Variants in PRELID2 observed in about 807,000 individuals in gnomAD.
The protein encoded by PRELID2 is PRELI domain containing 2.
A neutral mutation model predicts 28.4 loss-of-function variants in PRELID2; 25 were observed. The ratio of observed to expected loss-of-function variants is 0.88; its 90% CI spans 0.64 to 1.23. The LOEUF is 1.23. PRELID2 is among the 50% of genes most tolerant of loss of function. The probability of loss-of-function intolerance (pLI) is 0.00; values close to 1 mark genes in which losing one functional copy is unlikely to be tolerated. For synonymous variants in PRELID2, 76 were observed against 71.6 expected (o/e 1.06, Z -0.31); for missense variants, 201 against 214.4 (o/e 0.94, Z 0.39).
At chr5:145,797,175 G>A (rs1198351629) in intron 4 of PRELID2, among the ~76,000 whole-genome samples, 2 of 152,110 alleles carry the variant, frequency 1.3e-5, no homozygotes, top group Admixed American at 6.6e-5. Flanking sequence ...ACACTTAAGA[G>A]TGATAGAAGT....
intron 1 of PRELID2, among the ~76,000 whole-genome samples, chr5:145,623,092 A>T (rs1339760222): frequency 6.6e-6 from 1 of 152,054 alleles, no homozygotes; most frequent in Non-Finnish European, 1.5e-5. Context: ...TGAAGAAAAT[A>T]ATAAGATAGT....
chr5:145,447,219 C>A, the PRELID2 span, among the ~76,000 whole-genome samples: 11 of 151,872 alleles, frequency 7.2e-5, no homozygotes, highest in South Asian at 1.9e-3. Context: ...GTTTTCAGTA[C>A]CGCATGAGGT....
rs556308216 is a variant in PRELID2, at chr5:145,570,304, A to T, written n.71-96989T>A. On this transcript the variant is annotated intron_variant and non_coding_transcript_variant, in intron 1 of 2. Transcript: ENST00000510259. ...AAGCCTCCAGAACAGAGGTACTCAC[A>T]TCAGAGGTTTTCCACTATGACGTGA... Among the ~76,000 whole-genome samples the T allele has an allele frequency of 4.6e-5, 7 of 152,312 alleles. No individual in the cohort carries two copies. In the South Asian group the frequency reaches 1.4e-3, roughly 32 times the overall value.
chr5:145,720,080 G>C (rs191249174), intron 1 of PRELID2, among the ~76,000 whole-genome samples: 1 of 151,540 alleles, frequency 6.6e-6, no homozygotes, highest in Non-Finnish European at 1.5e-5. Flanking sequence ...ACATTAAAAG[G>C]GTCTAAAAGG....
intron 1 of PRELID2, among the ~76,000 whole-genome samples, chr5:145,528,078 C>T (rs1006041525): frequency 6.6e-6 from 1 of 152,120 alleles, no homozygotes; most frequent in African/African-American, 2.4e-5. Context: ...TTCAGCTCCT[C>T]CACCCTAATC....
chr5:145,375,138 G>A, the PRELID2 span, among the ~76,000 whole-genome samples: 1 of 152,062 alleles, frequency 6.6e-6, no homozygotes, highest in Non-Finnish European at 1.5e-5. Context: ...CAATGTTTGA[G>A]GATGCTGACC....
At chr5:145,284,601 A>G in the PRELID2 span, among the ~76,000 whole-genome samples, 131 of 152,282 alleles carry the variant, frequency 8.6e-4, 1 homozygote, top group African/African-American at 3.1e-3. Flanking sequence ...CTATTCTTCA[A>G]CTTTAGAAAA....
the PRELID2 span, among the ~76,000 whole-genome samples, chr5:145,312,089 T>C: frequency 6.6e-5 from 10 of 152,054 alleles, no homozygotes; most frequent in African/African-American, 2.4e-4. Context: ...CTGATGTCTG[T>C]AATCTCAGCA....
At chr5:145,417,764 T>C in the PRELID2 span, among the ~76,000 whole-genome samples, 47 of 152,256 alleles carry the variant, frequency 3.1e-4, no homozygotes, top group East Asian at 7.9e-3. Context: ...ATAAGAGCCA[T>C]ACACGATAAA....
intron 1 of PRELID2, among the ~76,000 whole-genome samples, chr5:145,543,084 C>T (rs978861167): frequency 2.6e-5 from 4 of 152,116 alleles, no homozygotes; most frequent in African/African-American, 9.7e-5. Flanking sequence ...TCAGGGAGAG[C>T]TTTCCTTGCC....
intron 1 of PRELID2, among the ~76,000 whole-genome samples, chr5:145,823,402 A>C (rs1180915647): frequency 6.6e-6 from 1 of 152,232 alleles, no homozygotes; most frequent in Non-Finnish European, 1.5e-5. Context: ...ATCAGTAAAT[A>C]ATAATACTAT....
the PRELID2 span, among the ~76,000 whole-genome samples, chr5:145,246,749 A>G: frequency 6.6e-6 from 1 of 152,136 alleles, no homozygotes; most frequent in South Asian, 2.1e-4. Context: ...GGAAATTATG[A>G]CAGTGAAAAA....
chr5:145,617,919 G>A (rs891402073), intron 1 of PRELID2, among the ~76,000 whole-genome samples: 6 of 151,968 alleles, frequency 3.9e-5, no homozygotes, highest in Non-Finnish European at 1.5e-5. Context: ...TTTTAGTAGA[G>A]ATGGGGTTTC....
intron 5 of PRELID2, among the ~76,000 whole-genome samples, chr5:145,783,824 C>T (rs559953463): frequency 2.0e-5 from 3 of 152,286 alleles, no homozygotes; most frequent in South Asian, 4.1e-4. Context: ...TTTTGAACGA[C>T]GGTTTTATGC....
intron 1 of PRELID2, among the ~76,000 whole-genome samples, chr5:145,715,029 C>T (rs779866520): frequency 1.3e-5 from 2 of 152,138 alleles, no homozygotes; most frequent in Non-Finnish European, 2.9e-5. Flanking sequence ...CAAGCCTTCC[C>T]AATGCCATGG....
chr5:145,283,797 G>T, the PRELID2 span, among the ~76,000 whole-genome samples: 1 of 152,070 alleles, frequency 6.6e-6, no homozygotes, highest in East Asian at 1.9e-4. Flanking sequence ...CCCATTAGCT[G>T]GTGTTGTATT....
chr5:145,267,647 T>C, the PRELID2 span, among the ~76,000 whole-genome samples: 1 of 152,210 alleles, frequency 6.6e-6, no homozygotes, highest in South Asian at 2.1e-4. Flanking sequence ...TTTGATGTAC[T>C]GATTTCATTT....
At chr5:145,796,597 A>G (rs771932510) in intron 4 of PRELID2, 50 bp from the exon 5 acceptor site, 9 of 1,172,138 alleles carry the variant, frequency 7.7e-6, no homozygotes, top group Non-Finnish European at 1.1e-5. Flanking sequence ...ATGCTTGGAT[A>G]TGTAAACGAC....
intron 1 of PRELID2, among the ~76,000 whole-genome samples, chr5:145,592,109 C>T (rs1048529854): frequency 2.0e-5 from 3 of 152,078 alleles, no homozygotes; most frequent in Admixed American, 6.6e-5. Context: ...AACCATCTTG[C>T]GCATCATTAG....
Sources: allele counts gnomAD v4.1 joint callset (sites outside exome capture counted in the v4.1 genomes callset), GRCh38; gene constraint gnomAD v4.1.1; transcripts MANE v1.5; gene names NCBI Gene and HGNC (gene_info 2026-07-23, HGNC 2026-07-21).